The following NDUFAF6 variants were observed in gnomAD, a reference collection of about 807,000 sequenced individuals.
NDUFAF6 encodes the protein NADH dehydrogenase (ubiquinone) complex I, assembly factor 6.
A neutral mutation model predicts 40.8 loss-of-function variants in NDUFAF6; 45 were observed. The observed-to-expected ratio is 1.10, with a 90% CI of 0.87 to 1.42. NDUFAF6 has a LOEUF of 1.42. Ranked by LOEUF, NDUFAF6 falls within the 40% of genes most tolerant of loss-of-function variation. The pLI, the probability that NDUFAF6 is intolerant of heterozygous loss-of-function variation, is 0.00. For missense variants in NDUFAF6, 435 were observed against 418.5 expected (o/e 1.04, Z -0.34); for synonymous variants, 185 against 155.9 (o/e 1.19, Z -1.39).
chr8:95,003,985 G>A (rs921855148), intron 2 of NDUFAF6, among the ~76,000 whole-genome samples: 1 of 152,178 alleles, frequency 6.6e-6, no homozygotes, highest in Non-Finnish European at 1.5e-5. Context: ...TGTAGCCACT[G>A]TGCCTGTCAC....
chr8:95,112,874 C>A (rs980129425), intron 4 of NDUFAF6, among the ~76,000 whole-genome samples: 10 of 152,236 alleles, frequency 6.6e-5, no homozygotes, highest in Non-Finnish European at 1.2e-4. Flanking sequence ...AACCAGGATG[C>A]CCCATGGGCT....
intron 2 of NDUFAF6, among the ~76,000 whole-genome samples, chr8:95,032,649 TGA>T (rs925636061): frequency 1.3e-5 from 2 of 152,164 alleles, no homozygotes; most frequent in East Asian, 1.9e-4. Flanking sequence ...TGGATGGAGA[TGA>T]GAGAGTGAAA....
chr8:95,025,118 C>T lies in NDUFAF6; in HGVS notation c.110C>T (p.Pro37Leu). The T allele has an allele frequency of 6.8e-7, 1 of 1,480,238 alleles. No homozygotes were observed. The highest frequency in any genetic ancestry group is 8.9e-7 in the Non-Finnish European group (1 of 1,125,120). 91.7% of individuals were successfully genotyped at this position (1,480,238 alleles called of 1,614,324 possible). A position where few individuals can be genotyped will look rare whatever the true frequency, so the allele number is the denominator to read the frequency against. ...CTGTACGCGCGCATGCGGCGGCTGC[C>T]CGGGCCGGAGGTGTCTGGGCGGAGC... ...LGLYARMRRL[P>L]GPEVSGRSVA... is the part of the protein sequence containing the mutation. The change falls in exon 1 of 9, where the codon CCC becomes CTC. Residue 37 changes from proline (P) to leucine (L), a missense_variant. Transcript: ENST00000396124.
chr8:95,076,734 G>T (rs1282348095), downstream of NDUFAF6, among the ~76,000 whole-genome samples: 1 of 152,074 alleles, frequency 6.6e-6, no homozygotes, highest in East Asian at 1.9e-4. Context: ...TTAGCCATGT[G>T]TGATGGCCCA....
intron 4 of NDUFAF6, chr8:95,044,405 A>G (rs1180657944): frequency 6.6e-6 from 1 of 151,872 alleles, no homozygotes; most frequent in Non-Finnish European, 1.5e-5. Flanking sequence ...AAAAAAAACC[A>G]TAAAGGATGC....
intron 1 of NDUFAF6, among the ~76,000 whole-genome samples, chr8:94,941,438 T>C (rs1301888358): frequency 1.3e-5 from 2 of 152,220 alleles, no homozygotes; most frequent in Non-Finnish European, 2.9e-5. Flanking sequence ...CTATATGTTA[T>C]TCAACTGCTC....
At chr8:94,939,095 T>G (rs1821271482) in intron 1 of NDUFAF6, among the ~76,000 whole-genome samples, 1 of 152,220 alleles carries the variant, frequency 6.6e-6, no homozygotes, top group South Asian at 2.1e-4. Context: ...ACTGGGTGAC[T>G]GTGCAGTGTG....
At chr8:94,930,475 A>G (rs907658551) in intron 1 of NDUFAF6, 2 of 1,613,180 alleles carry the variant, frequency 1.2e-6, no homozygotes, top group Non-Finnish European at 1.7e-6. Flanking sequence ...AAAACTTGAA[A>G]CTATTAGTAA....
chr8:95,010,675 A>G (rs1827190312), intron 2 of NDUFAF6, among the ~76,000 whole-genome samples: 2 of 152,194 alleles, frequency 1.3e-5, no homozygotes, highest in Admixed American at 6.5e-5. Flanking sequence ...ACTGGCAGCT[A>G]TTCAGTTTTA....
At chr8:95,024,612 C>T (rs1459870173), upstream of NDUFAF6, among the ~76,000 whole-genome samples, 1 of 152,258 alleles carries the variant, frequency 6.6e-6, no homozygotes, top group Admixed American at 6.5e-5. Context: ...AGTGCCAAGG[C>T]AGCCCCTGTT....
At chr8:94,997,028 T>A (rs1354524587) in intron 2 of NDUFAF6, among the ~76,000 whole-genome samples, 2 of 151,806 alleles carry the variant, frequency 1.3e-5, no homozygotes, top group Admixed American at 6.6e-5. Flanking sequence ...AAGGGTTATG[T>A]CACCTGCCAC....
At chr8:95,035,715 A>C in intron 3 of NDUFAF6, 139 bp downstream of exon 3, 1 of 835,276 alleles carries the variant, frequency 1.2e-6, no homozygotes, top group Admixed American at 2.9e-5. Context: ...CAGAGCTGTT[A>C]TAGTTTTGGC....
chr8:94,898,854 T>G (rs1413908908), intron 1 of NDUFAF6, among the ~76,000 whole-genome samples: 1 of 152,264 alleles, frequency 6.6e-6, no homozygotes, highest in Non-Finnish European at 1.5e-5. Context: ...TCAATAATAC[T>G]TTATCTTGTT....
intron 1 of NDUFAF6, chr8:94,930,446 C>G: frequency 6.2e-7 from 1 of 1,612,044 alleles, no homozygotes; most frequent in South Asian, 1.1e-5. Flanking sequence ...TAAGCACAAA[C>G]CAAGAGAAAC....
At chr8:94,961,102 C>G (rs1823532598) in intron 1 of NDUFAF6, among the ~76,000 whole-genome samples, 1 of 151,822 alleles carries the variant, frequency 6.6e-6, no homozygotes. Flanking sequence ...TTTTGACGAA[C>G]AATACAGAGA....
At chr8:94,913,459 T>C (rs1359317599) in intron 1 of NDUFAF6, among the ~76,000 whole-genome samples, 2 of 152,204 alleles carry the variant, frequency 1.3e-5, no homozygotes, top group Admixed American at 6.5e-5. Context: ...TGTTTATAAT[T>C]TCCTCTTCAT....
intron 1 of NDUFAF6, 139 bp from the exon 2 acceptor site, chr8:95,031,856 C>G: frequency 1.3e-6 from 1 of 770,712 alleles, no homozygotes; most frequent in South Asian, 1.4e-5. Context: ...CCGCCTTGGC[C>G]TCCCAAAGTG....
chr8:94,934,159 AAC>A (rs1446706434), intron 1 of NDUFAF6, among the ~76,000 whole-genome samples: 2 of 152,128 alleles, frequency 1.3e-5, no homozygotes, highest in Non-Finnish European at 2.9e-5. Context: ...GAAAAAAAAA[AAC>A]ACAATCTGGA....
At chr8:94,940,307 G>A (rs542404420) in intron 1 of NDUFAF6, 3 of 1,446,448 alleles carry the variant, frequency 2.1e-6, no homozygotes, top group African/African-American at 1.4e-5. Flanking sequence ...TCATTATAAA[G>A]TCACCCATCA....
Sources: allele counts gnomAD v4.1 joint callset (sites outside exome capture counted in the v4.1 genomes callset), GRCh38; gene constraint gnomAD v4.1.1; transcripts MANE v1.5; gene names NCBI Gene and HGNC (gene_info 2026-07-23, HGNC 2026-07-21).